THSD4: variants seen among roughly 807,000 people sequenced by gnomAD.
THSD4 encodes thrombospondin type-1 domain-containing protein 4.
THSD4 carries 69 observed loss-of-function variants against 119.0 expected under a neutral mutation model. The observed-to-expected ratio is 0.58, with a 90% CI of 0.48 to 0.71. The LOEUF (loss-of-function observed/expected upper bound fraction) is 0.71. Among genes scored for constraint, THSD4 ranks in the 30% least tolerant of loss-of-function variants. The pLI is 0.00. For missense variants in THSD4, 1,393 were observed against 1,391.1 expected, an observed-to-expected ratio of 1.00 and a Z score of -0.02; for synonymous variants, 524 against 540.4, an observed-to-expected ratio of 0.97 and a Z score of 0.42.
intron 6 of THSD4, among the ~76,000 whole-genome samples, chr15:71,393,885 C>T (rs1449144613): frequency 6.6e-6 from 1 of 152,094 alleles, no homozygotes; most frequent in Admixed American, 6.6e-5. Flanking sequence ...AAGGAGTCTT[C>T]CTGCTCCAAG....
At chr15:71,613,328 T>G (rs2050263872) in intron 7 of THSD4, among the ~76,000 whole-genome samples, 1 of 152,236 alleles carries the variant, frequency 6.6e-6, no homozygotes, top group African/African-American at 2.4e-5. Flanking sequence ...TGGTATCATT[T>G]AACATTTCCC....
intron 4 of THSD4, among the ~76,000 whole-genome samples, chr15:71,228,713 C>T (rs1225425023): frequency 6.6e-6 from 1 of 152,170 alleles, no homozygotes; most frequent in Non-Finnish European, 1.5e-5. Flanking sequence ...GCTTGTAACA[C>T]TGAGTTATGC....
intron 1 of THSD4, among the ~76,000 whole-genome samples, chr15:71,132,748 ATTC>A (rs1393805694): frequency 6.6e-6 from 1 of 152,148 alleles, no homozygotes; most frequent in Non-Finnish European, 1.5e-5. Context: ...TACTGTGTTT[ATTC>A]TTTTAGTGTC....
chr15:71,214,630 G>A (rs1451908637), intron 3 of THSD4, among the ~76,000 whole-genome samples: 3 of 152,224 alleles, frequency 2.0e-5, no homozygotes, highest in Non-Finnish European at 4.4e-5. Context: ...GCTCTAAAGC[G>A]GTGGCCTCTC....
At chr15:71,489,622 C>A (rs1442058656) in intron 7 of THSD4, among the ~76,000 whole-genome samples, 1 of 152,156 alleles carries the variant, frequency 6.6e-6, no homozygotes, top group Non-Finnish European at 1.5e-5. Context: ...CACATTTCCT[C>A]CTCTATACCT....
chr15:71,522,410 T>C (rs1358010073), intron 7 of THSD4, among the ~76,000 whole-genome samples: 1 of 152,074 alleles, frequency 6.6e-6, no homozygotes. Context: ...GCATGCACAG[T>C]TGTGGACAGA....
At chr15:71,399,140 A>G (rs2046489919) in intron 6 of THSD4, among the ~76,000 whole-genome samples, 1 of 152,076 alleles carries the variant, frequency 6.6e-6, no homozygotes, top group African/African-American at 2.4e-5. Flanking sequence ...TGGGGGGTGC[A>G]GTGGTAACAA....
At chr15:71,584,083 G>A (rs1271007123) in intron 7 of THSD4, among the ~76,000 whole-genome samples, 1 of 151,984 alleles carries the variant, frequency 6.6e-6, no homozygotes, top group Non-Finnish European at 1.5e-5. Context: ...AATGTTGGGT[G>A]TGTATGTATT....
At chr15:71,310,461 T>A (rs1475503440) in intron 6 of THSD4, among the ~76,000 whole-genome samples, 1 of 152,196 alleles carries the variant, frequency 6.6e-6, no homozygotes, top group Non-Finnish European at 1.5e-5. Flanking sequence ...TTTTAAAGTA[T>A]CCATTTTTAT....
At chr15:71,566,024 C>G (rs1253304981) in intron 7 of THSD4, among the ~76,000 whole-genome samples, 1 of 152,120 alleles carries the variant, frequency 6.6e-6, no homozygotes, top group African/African-American at 2.4e-5. Flanking sequence ...GCATCTGGCC[C>G]AACGCTCCCT....
chr15:71,497,844 T>C (rs180992603), intron 7 of THSD4, among the ~76,000 whole-genome samples: 205 of 152,366 alleles, frequency 1.3e-3, no homozygotes, highest in Non-Finnish European at 2.5e-3. Flanking sequence ...TTAACTGTTA[T>C]TGTTTAGAAA....
At chr15:71,617,337 AT>A (rs1032653769) in intron 7 of THSD4, among the ~76,000 whole-genome samples, 15 of 152,154 alleles carry the variant, frequency 9.9e-5, no homozygotes, top group African/African-American at 3.6e-4. Context: ...TTTAGTTTAA[AT>A]TTTTTTAATT....
intron 4 of THSD4, among the ~76,000 whole-genome samples, chr15:71,239,280 C>G (rs1210227143): frequency 1.3e-5 from 2 of 152,190 alleles, no homozygotes; most frequent in African/African-American, 2.4e-5. Flanking sequence ...TTTAAGAAGA[C>G]ATTACTCTCA....
intron 7 of THSD4, among the ~76,000 whole-genome samples, chr15:71,449,288 C>T (rs2047231470): frequency 6.6e-6 from 1 of 152,166 alleles, no homozygotes; most frequent in South Asian, 2.1e-4. Flanking sequence ...TTCAGTACTT[C>T]TGGTTTAAAA....
chr15:71,139,246 A>G (rs1313103547), intron 1 of THSD4, among the ~76,000 whole-genome samples: 1 of 152,214 alleles, frequency 6.6e-6, no homozygotes, highest in Non-Finnish European at 1.5e-5. Flanking sequence ...TGTTCTGGAT[A>G]ATAACACCAT....
chr15:71,595,993 G>T (rs2049900602), intron 7 of THSD4, among the ~76,000 whole-genome samples: 1 of 152,182 alleles, frequency 6.6e-6, no homozygotes, highest in Non-Finnish European at 1.5e-5. Context: ...TGAAAGTCAG[G>T]ACATGCATCA....
chr15:71,550,137 G>A (rs927547198), intron 7 of THSD4, among the ~76,000 whole-genome samples: 6 of 152,334 alleles, frequency 3.9e-5, no homozygotes, highest in African/African-American at 4.8e-5. Flanking sequence ...CAGATGGGGC[G>A]TATCCCCGAA....
At position 71,215,306 on chromosome 15, in the gene THSD4, TG is replaced by T; in HGVS notation, c.373del (p.Ala125ProfsTer123). 6.6e-7 allele frequency: 1 copy of T among 1,526,554 alleles called. No homozygotes were observed. Among genetic ancestry groups the T allele is most frequent in the Non-Finnish European group, 8.7e-7 (1 of 1,142,956 alleles). The allele number at this position is 1,526,554 out of a possible 1,614,324, so 94.6% of individuals were successfully genotyped here. A position where few individuals can be genotyped will look rare whatever the true frequency, so the allele number is the denominator to read the frequency against. On this transcript the variant is annotated frameshift_variant, in exon 4 of 18. Transcript: ENST00000261862. LOFTEE classifies it high-confidence loss of function. Reference protein sequence around the residue: ...LHRSRDETPALAGTDASRQGP... With the variant: ...LHRSRDETPAXAGTDASRQGP... ...CGGAGCCGCGACGAGACGCCAGCGCTGGCCGGTACGGACGCCAGCCGCCAGG... is the reference window on the plus strand; with the variant it reads ...CGGAGCCGCGACGAGACGCCAGCGCTGCCGGTACGGACGCCAGCCGCCAGG...
intron 7 of THSD4, among the ~76,000 whole-genome samples, chr15:71,648,213 G>C (rs1244606640): frequency 6.6e-6 from 1 of 152,186 alleles, no homozygotes; most frequent in Non-Finnish European, 1.5e-5. Flanking sequence ...GAGAGAATTA[G>C]GCAGGATAAC....
Sources: allele counts gnomAD v4.1 joint callset (sites outside exome capture counted in the v4.1 genomes callset), GRCh38; gene constraint gnomAD v4.1.1; transcripts MANE v1.5; gene names NCBI Gene and HGNC (gene_info 2026-07-23, HGNC 2026-07-21).